EXD1: variants seen among roughly 807,000 people sequenced by gnomAD.
EXD1 encodes piRNA biogenesis protein EXD1.
A neutral mutation model predicts 49.1 loss-of-function variants in EXD1; 63 were observed. The observed-to-expected ratio is 1.28, with a 90% confidence interval of 1.05 to 1.58. The LOEUF is 1.58. EXD1 is among the 40% of genes most tolerant of loss of function. The pLI, the probability that EXD1 is intolerant of heterozygous loss-of-function variation, is 0.00. For synonymous variants in EXD1, 234 were observed against 239.2 expected (o/e 0.98, Z 0.20); for missense variants, 748 against 666.0 (o/e 1.12, Z -1.36).
intron 2 of EXD1, among the ~76,000 whole-genome samples, chr15:41,224,855 C>G (rs1288810662): frequency 6.6e-6 from 1 of 151,970 alleles, no homozygotes; most frequent in African/African-American, 2.4e-5. Context: ...CCCAGCTACT[C>G]AGGAGGCTGA....
chr15:41,189,916 A>T lies in EXD1; in HGVS notation c.1056+21T>A, dbSNP rs188391904. ...TTGAGAAGGCAGAAAGGAGGTCCTG[A>T]AGACAGAGAGCTGCACCTACCTCAG... On this transcript the variant is annotated intron_variant, in intron 11 of 11. Transcript: ENST00000458580. 10,149 of 1,609,150 alleles carry T rather than the reference A, an allele frequency of 6.3e-3. 35 individuals carry two copies. The highest frequency in any genetic ancestry group is 7.9e-3 in the Non-Finnish European group (9,316 of 1,176,142).
At chr15:41,196,560 C>T (rs1012466367) in intron 7 of EXD1, among the ~76,000 whole-genome samples, 4 of 151,792 alleles carry the variant, frequency 2.6e-5, no homozygotes, top group Non-Finnish European at 5.9e-5. Context: ...TCATGATCCA[C>T]CCGCCTTGGC....
At chr15:41,199,734 T>TATGTG (rs1555414700) in intron 7 of EXD1, among the ~76,000 whole-genome samples, 1 of 65,238 alleles carries the variant, frequency 1.5e-5, no homozygotes, top group African/African-American at 5.2e-5. Context: ...ATATATGATA[T>TATGTG]ATATGTCATA....
chr15:41,219,864 T>A lies in EXD1; in HGVS notation c.168A>T (p.Gly56=), dbSNP rs1400290356. The change falls in exon 3 of 12, where the codon GGA becomes GGT. Residue 56 remains glycine (G), a synonymous_variant. Coordinates refer to ENST00000458580, the MANE Select transcript of EXD1 (RefSeq NM_001286441.2). ...TCTCATGCCCAAAAAACAACTTCACTCCTGGGACACTTCGACCTGTCTCCA... is the reference window on the plus strand; with the variant it reads ...TCTCATGCCCAAAAAACAACTTCACACCTGGGACACTTCGACCTGTCTCCA... ...KNVETGRSVP[G]VKLFFGHEIV... The A allele has an allele frequency of 6.5e-7, 1 of 1,535,770 alleles. No individual in the cohort carries two copies. Among genetic ancestry groups the A allele is most frequent in the South Asian group, 1.2e-5 (1 of 84,026 alleles).
At chr15:41,195,591 T>C (rs757884548) in intron 9 of EXD1, among the ~76,000 whole-genome samples, 184 bp downstream of exon 9, 54 of 152,050 alleles carry the variant, frequency 3.6e-4, no homozygotes, top group Non-Finnish European at 6.3e-4. Context: ...ACTGCAGTGC[T>C]TTTATAGAAC....
At chr15:41,209,641 A>C in intron 6 of EXD1, 54 bp from the exon 7 acceptor site, 1 of 1,463,452 alleles carries the variant, frequency 6.8e-7, no homozygotes, top group Non-Finnish European at 9.5e-7. Flanking sequence ...TGTTGGCATG[A>C]TAACATCATG....
intron 2 of EXD1, among the ~76,000 whole-genome samples, chr15:41,225,080 A>T (rs972671859): frequency 2.0e-5 from 3 of 152,200 alleles, no homozygotes; most frequent in Non-Finnish European, 4.4e-5. Context: ...GGTGACCATG[A>T]GGATAACAGA....
chr15:41,210,811 C>T (rs181380774), intron 6 of EXD1, among the ~76,000 whole-genome samples: 1 of 152,138 alleles, frequency 6.6e-6, no homozygotes, highest in African/African-American at 2.4e-5. Context: ...AAAAGATTCT[C>T]CCCATTTTAT....
At position 41,189,953 on chromosome 15, in the gene EXD1, C is replaced by T. The variant is rs769539024; in HGVS notation, c.1040G>A (p.Arg347Gln). The T allele has an allele frequency of 2.1e-5, 34 of 1,613,838 alleles. No individual in the cohort carries two copies. The highest frequency in any genetic ancestry group is 9.3e-5 in the African/African-American group (7 of 74,892). ...TGCACCTACCTCAGTGCCTCCAAGC[C>T]GGTCTGCAGACCCTTCGCGATACGT... Reference protein sequence around the residue: ...LNTYREGSADRLGGTEPTCME... With the variant: ...LNTYREGSADQLGGTEPTCME... The change falls in exon 11 of 12, where the codon CGG becomes CAG. Residue 347 changes from arginine (R) to glutamine (Q), a missense_variant. Coordinates refer to ENST00000458580, the MANE Select transcript of EXD1 (RefSeq NM_001286441.2).
In EXD1 at chr15:41,190,117, T is replaced by A; in HGVS notation, c.876A>T (p.Glu292Asp). 6.2e-7 allele frequency: 1 copy of A among 1,614,126 alleles called. No individual in the cohort carries two copies. The highest frequency in any genetic ancestry group is 1.3e-5 in the African/African-American group (1 of 75,050). The change falls in exon 11 of 12, where the codon GAA (glutamate) becomes GAT (aspartate). Residue 292 changes from glutamate (E) to aspartate (D), a missense_variant. Transcript: ENST00000458580. ...GTGAAACAGGTCGGATGAACCATACTTCTGGATTTTCCTGGAGACAATAAA... is the reference window on the plus strand; with the variant it reads ...GTGAAACAGGTCGGATGAACCATACATCTGGATTTTCCTGGAGACAATAAA... ...KRQKLIQENP[E>D]VWFIRPVSPS... is the part of the protein sequence containing the mutation.
At chr15:41,223,727 T>C (rs1371641860) in intron 2 of EXD1, among the ~76,000 whole-genome samples, 1 of 151,176 alleles carries the variant, frequency 6.6e-6, no homozygotes, top group African/African-American at 2.4e-5. Context: ...CAGCCGGGCG[T>C]GGTGGCGGGC....
At chr15:41,187,961 G>A (rs2046440980) in intron 11 of EXD1, among the ~76,000 whole-genome samples, 2 of 147,614 alleles carry the variant, frequency 1.4e-5, no homozygotes, top group Admixed American at 6.9e-5. Context: ...TTTGTAGTGA[G>A]CCGGTATCAC....
intron 7 of EXD1, among the ~76,000 whole-genome samples, chr15:41,204,803 AC>A (rs2046797589): frequency 6.6e-6 from 1 of 152,006 alleles, no homozygotes; most frequent in African/African-American, 2.4e-5. Context: ...TATAGATAAA[AC>A]TTTCCCTCTG....
chr15:41,228,810 C>T (rs1478993656), intron 1 of EXD1, among the ~76,000 whole-genome samples: 1 of 151,736 alleles, frequency 6.6e-6, no homozygotes, highest in Non-Finnish European at 1.5e-5. Context: ...GCAATTTATA[C>T]TTTTAAAAGG....
Position 41,184,311 on chromosome 15 carries a change from C to T in EXD1, c.1339G>A (p.Ala447Thr), listed in dbSNP as rs768808319. 16 of 1,614,070 alleles carry T rather than the reference C, an allele frequency of 9.9e-6. No homozygotes were observed. The South Asian group carries it at 1.6e-4, about 17-fold the overall frequency. Residue 447 changes from alanine to threonine, a missense_variant, in exon 12 of 12, where the codon GCT (alanine) becomes ACT (threonine). Ala to Thr is a moderately conservative substitution (Grantham distance 58). Transcript: ENST00000458580. The stretch of plus-strand genomic sequence containing the variant: ...GGAGGTAGATGTTGAGGATTTGTAG[C>T]TTGTTTATTCAAAGATTCTTCTTTC... The part of the protein sequence containing the change: ...LLKEESLNKQ[A>T]TNPQHLPPTE...
At chr15:41,190,318 C>T (rs1048447870) in intron 10 of EXD1, 190 bp from the exon 11 acceptor site, 4 of 526,026 alleles carry the variant, frequency 7.6e-6, no homozygotes, top group Non-Finnish European at 1.0e-5. Flanking sequence ...ACTAAAAATA[C>T]AAAAATTAGC....
chr15:41,220,087 AG>A (rs1407697642), intron 2 of EXD1, among the ~76,000 whole-genome samples, 189 bp from the exon 3 acceptor site: 1 of 152,232 alleles, frequency 6.6e-6, no homozygotes, highest in East Asian at 1.9e-4. Context: ...CCTTTAAACA[AG>A]TAGTATAAAA....
Position 41,230,610 on chromosome 15 carries a change from C to G in EXD1, c.-185G>C. 6.5e-7 allele frequency: 1 copy of G among 1,550,180 alleles called. No individual in the cohort carries two copies. Among genetic ancestry groups the G allele is most frequent in the Non-Finnish European group, 8.9e-7 (1 of 1,128,288 alleles). ...CAGTCTAGAACTAAAAGAAGAGGGGCTGCAATGAAGGAAGAAGTCTCGGGA... is the reference window on the plus strand; with the variant it reads ...CAGTCTAGAACTAAAAGAAGAGGGGGTGCAATGAAGGAAGAAGTCTCGGGA... On this transcript the variant is annotated 5_prime_UTR_variant, in exon 1 of 12. Transcript: ENST00000458580.
rs59054803 is a variant in EXD1 at position 41,192,594 on chromosome 15, ATTTTTTTTTTTTTTTTTTTTTTTTT to A, written c.721-1034_721-1010del. Among the ~76,000 whole-genome samples the A allele has an allele frequency of 7.8e-4, 32 of 40,882 alleles. 1 individual carries two copies. The highest frequency in any genetic ancestry group is 2.2e-3 in the African/African-American group (30 of 13,502). 26.8% of individuals were successfully genotyped at this position (40,882 alleles called of 152,430 possible). On this transcript the variant is annotated intron_variant, in intron 9 of 11. Transcript: ENST00000458580. Reference sequence around the variant, plus strand: ...ACAGGCGTGAACCACTGCGCCAGGCATTTTTTTTTTTTTTTTTTTTTTTTTTTTTTTTTTTTTTGAGATAGGGTCT... The same window carrying A: ...ACAGGCGTGAACCACTGCGCCAGGCATTTTTTTTTTTTTGAGATAGGGTCT...
Sources: allele counts gnomAD v4.1 joint callset (sites outside exome capture counted in the v4.1 genomes callset), GRCh38; gene constraint gnomAD v4.1.1; transcripts MANE v1.5; gene names NCBI Gene and HGNC (gene_info 2026-07-23, HGNC 2026-07-21).